The following MAGI2 variants were observed in gnomAD, a reference collection of about 807,000 sequenced individuals.
The protein encoded by MAGI2 is membrane-associated guanylate kinase, WW and PDZ domain-containing protein 2.
MAGI2 carries 35 observed loss-of-function variants against 133.3 expected under a neutral mutation model. That is an observed-to-expected ratio of 0.26 (90% CI 0.20 to 0.35). The LOEUF (loss-of-function observed/expected upper bound fraction) is 0.35. Ranked by LOEUF, MAGI2 falls within the 10% of genes least tolerant of loss-of-function variation. The pLI is 1.00. For missense variants in MAGI2, 1,636 were observed against 1,863.4 expected (o/e 0.88, Z 2.25); for synonymous variants, 729 against 710.6 (o/e 1.03, Z -0.41).
At position 78,994,522 on chromosome 7, in the gene MAGI2, C is replaced by T. The variant is rs561879203; in HGVS notation, c.418+12568G>A. On this transcript the variant is annotated intron_variant, in intron 2 of 21. Coordinates refer to ENST00000354212, the MANE Select transcript of MAGI2 (RefSeq NM_012301.4). ...TAGACAGTAAATATAGATACACGTT[C>T]ATGTAGTCTTCTATATTCTGGAGCC... Among the ~76,000 whole-genome samples, 12 of 152,182 alleles carry T rather than the reference C, an allele frequency of 7.9e-5. No individual in the cohort carries two copies. In the South Asian group the frequency reaches 2.5e-3, roughly 32 times the overall value.
chr7:78,070,131 A>ATG (rs1310781659), intron 21 of MAGI2, among the ~76,000 whole-genome samples: 5 of 140,982 alleles, frequency 3.5e-5, no homozygotes, highest in East Asian at 2.1e-4. Context: ...ACACACATAT[A>ATG]TGTGTGTGTA....
chr7:78,554,927 C>T (rs1194116013), intron 3 of MAGI2, among the ~76,000 whole-genome samples: 1 of 151,956 alleles, frequency 6.6e-6, no homozygotes. Flanking sequence ...GTGAGAATGG[C>T]TTGAGCCCAG....
chr7:78,265,574 C>G (rs1362541347), intron 9 of MAGI2, among the ~76,000 whole-genome samples: 1 of 152,072 alleles, frequency 6.6e-6, no homozygotes, highest in African/African-American at 2.4e-5. Context: ...TCTTAAAACC[C>G]TAAAAGTTTA....
intron 9 of MAGI2, among the ~76,000 whole-genome samples, chr7:78,304,419 T>G (rs1489099823): frequency 6.6e-6 from 1 of 152,216 alleles, no homozygotes; most frequent in Non-Finnish European, 1.5e-5. Context: ...TTCCTTTTAC[T>G]TAGGTTTTTA....
intron 10 of MAGI2, among the ~76,000 whole-genome samples, chr7:78,242,148 C>G (rs1791218849): frequency 6.6e-6 from 1 of 152,206 alleles, no homozygotes; most frequent in South Asian, 2.1e-4. Flanking sequence ...GGAACTAGAA[C>G]TGAGTTCTGG....
chr7:78,176,462 C>T (rs2150675359), intron 14 of MAGI2, among the ~76,000 whole-genome samples: 1 of 152,204 alleles, frequency 6.6e-6, no homozygotes, highest in South Asian at 2.1e-4. Context: ...AAAGGGACCT[C>T]ATCAATCATC....
At chr7:78,275,319 G>T (rs999541099) in intron 9 of MAGI2, among the ~76,000 whole-genome samples, 12 of 152,166 alleles carry the variant, frequency 7.9e-5, no homozygotes, top group Non-Finnish European at 1.2e-4. Flanking sequence ...AGGTACTTCA[G>T]TTGGAAATTC....
rs1326891299 is a variant in MAGI2 at position 79,448,849 on chromosome 7, G to A, written c.301+4171C>T. Among the ~76,000 whole-genome samples the A allele has an allele frequency of 3.3e-5, 5 of 152,054 alleles. No homozygotes were observed. In the East Asian group the frequency reaches 9.6e-4, roughly 29 times the overall value. On this transcript the variant is annotated intron_variant, in intron 1 of 21. Coordinates refer to ENST00000354212, the MANE Select transcript of MAGI2 (RefSeq NM_012301.4). ...AAACAGTGTAAATGTTAAGAATAGG[G>A]ACAGTACAGATAAAAAGCAAATAAT...
At chr7:79,265,951 G>A (rs1393513942) in intron 1 of MAGI2, among the ~76,000 whole-genome samples, 1 of 151,848 alleles carries the variant, frequency 6.6e-6, no homozygotes, top group Non-Finnish European at 1.5e-5. Flanking sequence ...ATATTTTGTG[G>A]CAATTTTACT....
chr7:78,334,509 T>C (rs1003884618), intron 9 of MAGI2, among the ~76,000 whole-genome samples: 1 of 152,192 alleles, frequency 6.6e-6, no homozygotes, highest in Non-Finnish European at 1.5e-5. Flanking sequence ...AATGTAAAGA[T>C]TAGGGTTTTT....
intron 2 of MAGI2, among the ~76,000 whole-genome samples, chr7:78,696,518 T>A (rs9969370): frequency 0.044 from 6,622 of 152,190 alleles, 236 homozygotes; most frequent in East Asian, 0.15. Flanking sequence ...CAATTGCTTT[T>A]TTCCTTCATC....
chr7:79,402,237 C>A (rs938553411), intron 1 of MAGI2, among the ~76,000 whole-genome samples: 2 of 151,876 alleles, frequency 1.3e-5, no homozygotes, highest in Non-Finnish European at 2.9e-5. Context: ...TTGCAATGAA[C>A]TAATAAATTT....
intron 2 of MAGI2, chr7:78,771,029 T>C (rs1019958884): frequency 3.3e-5 from 5 of 152,198 alleles, no homozygotes; most frequent in African/African-American, 1.2e-4. Context: ...ATGTCTAGAA[T>C]TTTCCTCTTT....
intron 1 of MAGI2, among the ~76,000 whole-genome samples, chr7:79,312,383 T>C (rs1838356159): frequency 1.3e-5 from 2 of 152,166 alleles, no homozygotes; most frequent in Admixed American, 1.3e-4. Context: ...CCAATCATGA[T>C]CTTTGCTAGT....
At chr7:78,289,805 C>G (rs982604718) in intron 9 of MAGI2, among the ~76,000 whole-genome samples, 1 of 152,142 alleles carries the variant, frequency 6.6e-6, no homozygotes, top group East Asian at 1.9e-4. Context: ...CAATATTCAA[C>G]ATTCTTAAAG....
intron 2 of MAGI2, among the ~76,000 whole-genome samples, chr7:78,655,554 T>C (rs1482997796): frequency 6.8e-6 from 1 of 148,136 alleles, no homozygotes; most frequent in Non-Finnish European, 1.5e-5. Context: ...GTCTCTCATA[T>C]CCTTCAGGGC....
intron 1 of MAGI2, among the ~76,000 whole-genome samples, chr7:79,137,653 A>G (rs989470459): frequency 5.9e-5 from 9 of 151,716 alleles, no homozygotes; most frequent in Non-Finnish European, 1.0e-4. Flanking sequence ...GGGTTTCACT[A>G]TGTTGGCCAG....
intron 2 of MAGI2, among the ~76,000 whole-genome samples, chr7:78,805,145 C>T (rs1222018667): frequency 2.6e-5 from 4 of 151,786 alleles, no homozygotes; most frequent in Non-Finnish European, 4.4e-5. Flanking sequence ...GGAGCTACGA[C>T]TCTAAATATC....
intron 13 of MAGI2, among the ~76,000 whole-genome samples, chr7:78,181,192 C>T (rs1827156852): frequency 6.6e-6 from 1 of 152,064 alleles, no homozygotes. Flanking sequence ...CTTATTAATG[C>T]AAGAACTTAA....
Sources: allele counts gnomAD v4.1 joint callset (sites outside exome capture counted in the v4.1 genomes callset), GRCh38; gene constraint gnomAD v4.1.1; transcripts MANE v1.5; gene names NCBI Gene and HGNC (gene_info 2026-07-23, HGNC 2026-07-21).